The following GALNT18 variants were observed in gnomAD, a reference collection of about 807,000 sequenced individuals.
GALNT18 encodes polypeptide N-acetylgalactosaminyltransferase 18.
In GALNT18, 44 loss-of-function variants were observed where a neutral mutation model predicts 69.5. The observed-to-expected ratio is 0.63, with a 90% CI of 0.50 to 0.81. The LOEUF is 0.81. Among genes scored for constraint, GALNT18 ranks in the 40% least tolerant of loss-of-function variants. The pLI is 0.00. For missense variants in GALNT18, 715 were observed against 810.0 expected (o/e 0.88, Z 1.42); for synonymous variants, 364 against 318.2 (o/e 1.14, Z -1.53).
At chr11:11,276,315 A>G (rs1434830002) in intron 10 of GALNT18, among the ~76,000 whole-genome samples, 2 of 148,680 alleles carry the variant, frequency 1.3e-5, no homozygotes, top group African/African-American at 4.8e-5. Context: ...GTGTTCACTC[A>G]TGATTTGGCT....
At chr11:11,384,739 G>A (rs57572005) in intron 3 of GALNT18, among the ~76,000 whole-genome samples, 4,131 of 152,180 alleles carry the variant, frequency 0.027, 177 homozygotes, top group African/African-American at 0.088. Context: ...CCATGCTGGC[G>A]CCCTGATCTC....
rs747949581 is a variant in GALNT18, at chr11:11,465,102, C to G, written c.236-16166G>C. Among the ~76,000 whole-genome samples, 1 of 152,150 alleles carries G rather than the reference C, an allele frequency of 6.6e-6. No homozygotes were observed. Among genetic ancestry groups the G allele is most frequent in the Non-Finnish European group, 1.5e-5 (1 of 68,028 alleles). ...TAAGGCAACTTCTCTATCCTCTCTA[C>G]GAGGACAGAGAGAATACAGATCCCA... On this transcript the variant is annotated intron_variant, in intron 1 of 10. Transcript: ENST00000227756. This position sits in a 1 kb window ranked among gnomAD's most constrained non-coding sequence, Gnocchi z 5.7.
At chr11:11,373,207 G>T (rs1850954452) in intron 5 of GALNT18, among the ~76,000 whole-genome samples, 2 of 152,158 alleles carry the variant, frequency 1.3e-5, no homozygotes, top group African/African-American at 4.8e-5. Flanking sequence ...GGCAGCTGTG[G>T]GTGAGTGACC....
chr11:11,284,815 G>A (rs1484546137), intron 10 of GALNT18, among the ~76,000 whole-genome samples: 5 of 103,410 alleles, frequency 4.8e-5, no homozygotes, highest in Non-Finnish European at 1.0e-4. Flanking sequence ...GCTAGTTAAA[G>A]AAACCCTGAG....
intron 6 of GALNT18, among the ~76,000 whole-genome samples, chr11:11,362,778 T>C (rs890900413): frequency 6.6e-6 from 1 of 152,166 alleles, no homozygotes; most frequent in Non-Finnish European, 1.5e-5. Flanking sequence ...GAGGGATATT[T>C]GATGATGTCT....
chr11:11,399,352 C>T (rs1388426596), intron 3 of GALNT18, among the ~76,000 whole-genome samples: 1 of 152,146 alleles, frequency 6.6e-6, no homozygotes, highest in Non-Finnish European at 1.5e-5. Flanking sequence ...CAAAGTAAGG[C>T]CCTGAAAGCC....
intron 1 of GALNT18, among the ~76,000 whole-genome samples, chr11:11,599,686 G>A (rs1455061272): frequency 6.6e-6 from 1 of 151,084 alleles, no homozygotes; most frequent in Non-Finnish European, 1.5e-5. Context: ...CCTTTCCTTA[G>A]TTTCTTGTGC....
At position 11,463,416 on chromosome 11, in the gene GALNT18, C is replaced by G. The variant is rs1034130865; in HGVS notation, c.236-14480G>C. On this transcript the variant is annotated intron_variant, in intron 1 of 10. Transcript: ENST00000227756. The surrounding 1 kb of genome is among the most constrained non-coding windows in gnomAD (Gnocchi z 4.2). ...GAAGAAATATTATTCAGTTAACTAG[C>G]CCACATCTGATTCTTTAAATGTAGT... 6.6e-6 allele frequency among the ~76,000 whole-genome samples: 1 copy of G among 152,200 alleles called. No homozygotes were observed. Among genetic ancestry groups the G allele is most frequent in the Non-Finnish European group, 1.5e-5 (1 of 68,038 alleles).
chr11:11,277,124 G>A (rs1848966426), intron 10 of GALNT18, among the ~76,000 whole-genome samples: 1 of 152,216 alleles, frequency 6.6e-6, no homozygotes, highest in Non-Finnish European at 1.5e-5. Flanking sequence ...GAATTTGGCT[G>A]TGAATCCGTC....
At chr11:11,431,269 T>C (rs1855256759) in intron 3 of GALNT18, among the ~76,000 whole-genome samples, 1 of 152,058 alleles carries the variant, frequency 6.6e-6, no homozygotes, top group African/African-American at 2.4e-5. Context: ...GTGAGGAGGA[T>C]CAGCAGGCCT....
At chr11:11,280,982 C>T (rs1384308573) in intron 10 of GALNT18, among the ~76,000 whole-genome samples, 1 of 152,212 alleles carries the variant, frequency 6.6e-6, no homozygotes, top group Non-Finnish European at 1.5e-5. Context: ...GTGTAAAACC[C>T]TGTGGCCTGG....
intron 1 of GALNT18, among the ~76,000 whole-genome samples, chr11:11,588,445 A>G (rs985150044): frequency 2.6e-5 from 4 of 152,196 alleles, no homozygotes; most frequent in African/African-American, 9.6e-5. Flanking sequence ...GAATAATGTT[A>G]CACCTTGATT....
intron 3 of GALNT18, among the ~76,000 whole-genome samples, chr11:11,399,888 T>A (rs1325232756): frequency 1.3e-5 from 2 of 152,262 alleles, no homozygotes; most frequent in African/African-American, 4.8e-5. Flanking sequence ...GTTAAATATA[T>A]AGCAATAAAG....
At chr11:11,311,984 T>C (rs1034822028) in intron 9 of GALNT18, among the ~76,000 whole-genome samples, 4 of 152,088 alleles carry the variant, frequency 2.6e-5, no homozygotes, top group African/African-American at 9.7e-5. Flanking sequence ...TGAGACGGAG[T>C]CTCGCTCTGT....
intron 2 of GALNT18, among the ~76,000 whole-genome samples, chr11:11,437,897 C>T (rs1855444353): frequency 6.6e-6 from 1 of 152,146 alleles, no homozygotes; most frequent in Non-Finnish European, 1.5e-5. Flanking sequence ...TGGGGCCCAC[C>T]TGACAAAGCA....
Position 11,571,446 on chromosome 11 carries a change from G to A in GALNT18, c.235+49913C>T, listed in dbSNP as rs559330780. Reference sequence around the variant, plus strand: ...AATTAGCTCTGCTCTCTGAGTCCGGGTGCCTGTGCTTCCAGAAGCCCCCCA... The same window carrying A: ...AATTAGCTCTGCTCTCTGAGTCCGGATGCCTGTGCTTCCAGAAGCCCCCCA... On this transcript the variant is annotated intron_variant, in intron 1 of 10. Coordinates refer to ENST00000227756, the MANE Select transcript of GALNT18 (RefSeq NM_198516.3). Among the ~76,000 whole-genome samples, 3 of 152,312 alleles carry A rather than the reference G, an allele frequency of 2.0e-5. No individual in the cohort carries two copies. The South Asian group carries it at 6.2e-4, about 32-fold the overall frequency.
chr11:11,464,251 A>C (rs1268512143), intron 1 of GALNT18, among the ~76,000 whole-genome samples: 1 of 152,378 alleles, frequency 6.6e-6, no homozygotes, highest in South Asian at 2.1e-4. Context: ...GGATTTTTAA[A>C]GTGAACAAAA....
rs565194674 is a variant in GALNT18 at position 11,309,147 on chromosome 11, G to A, written c.1513-15954C>T. Among the ~76,000 whole-genome samples, 1 of 151,988 alleles carries A rather than the reference G, an allele frequency of 6.6e-6. No homozygotes were observed. The highest frequency in any genetic ancestry group is 1.5e-5 in the Non-Finnish European group (1 of 67,996). ...TCAAGGGAATGGGTTCCTTGTAAAA[G>A]GACAAGTTTAGTCCCCTCTCTAGCC... is the stretch of plus-strand genomic sequence containing the variant. On this transcript the variant is annotated intron_variant, in intron 9 of 10. Transcript: ENST00000227756. This position sits in a 1 kb window ranked among gnomAD's most constrained non-coding sequence, Gnocchi z 4.6.
Position 11,500,127 on chromosome 11 carries a change from G to T in GALNT18, c.236-51191C>A. Among the ~76,000 whole-genome samples the T allele has an allele frequency of 6.6e-6, 1 of 152,212 alleles. No individual in the cohort carries two copies. Among genetic ancestry groups the T allele is most frequent in the South Asian group, 2.1e-4 (1 of 4,818 alleles). On this transcript the variant is annotated intron_variant, in intron 1 of 10. Transcript: ENST00000227756. The surrounding 1 kb of genome is among the most constrained non-coding windows in gnomAD (Gnocchi z 5.0). ...ATATTCTCATCCCATTTCCTTCTAC[G>T]AAAAGACTTAATTAGCAACCTCAAA...
Sources: allele counts gnomAD v4.1 joint callset (sites outside exome capture counted in the v4.1 genomes callset), GRCh38; gene constraint gnomAD v4.1.1; non-coding constraint Gnocchi (gnomAD v3.1); transcripts MANE v1.5; gene names NCBI Gene and HGNC (gene_info 2026-07-23, HGNC 2026-07-21).